Variants in CUX1 observed in about 807,000 individuals in gnomAD.
CUX1 encodes the protein cut like homeobox 1, also known as protein CASP.
In CUX1, 31 loss-of-function variants were observed where a neutral mutation model predicts 158.8. That is an observed-to-expected ratio of 0.20 (90% CI 0.15 to 0.26). CUX1 has a LOEUF of 0.26. Among genes scored for constraint, CUX1 ranks in the 10% least tolerant of loss-of-function variants. The probability of loss-of-function intolerance (pLI) is 1.00; values close to 1 mark genes in which losing one functional copy is unlikely to be tolerated. For missense variants in CUX1, 1,589 were observed against 2,014.6 expected, an observed-to-expected ratio of 0.79 and a Z score of 4.04; for synonymous variants, 879 against 862.1, an observed-to-expected ratio of 1.02 and a Z score of -0.34.
intron 3 of CUX1, among the ~76,000 whole-genome samples, chr7:102,069,318 C>T (rs535851997): frequency 4.9e-4 from 74 of 152,320 alleles, no homozygotes; most frequent in Middle Eastern, 6.8e-3. Context: ...ACAGCTCCTG[C>T]ATATGTATCC....
At chr7:101,862,165 A>AT (rs1330552563) in intron 1 of CUX1, among the ~76,000 whole-genome samples, 3 of 151,024 alleles carry the variant, frequency 2.0e-5, no homozygotes, top group South Asian at 4.2e-4. Flanking sequence ...TTTCCTTTGA[A>AT]TTTTTTTTTC....
chr7:101,877,649 T>A (rs1465147928), intron 1 of CUX1, among the ~76,000 whole-genome samples: 3 of 152,188 alleles, frequency 2.0e-5, no homozygotes, highest in African/African-American at 7.2e-5. Flanking sequence ...ACCGTCCCAC[T>A]GCACTCCAGC....
At chr7:102,221,177 A>G (rs1797758386) in intron 20 of CUX1, among the ~76,000 whole-genome samples, 1 of 152,250 alleles carries the variant, frequency 6.6e-6, no homozygotes, top group Non-Finnish European at 1.5e-5. Context: ...GACAGAATGA[A>G]AAGTGGCGCA....
At chr7:101,844,981 T>C (rs899737478) in intron 1 of CUX1, among the ~76,000 whole-genome samples, 1 of 152,214 alleles carries the variant, frequency 6.6e-6, no homozygotes, top group Non-Finnish European at 1.5e-5. Context: ...ACCTATCTTA[T>C]TTGGCACTTT....
intron 2 of CUX1, among the ~76,000 whole-genome samples, chr7:101,978,359 A>G (rs968929515): frequency 1.3e-5 from 2 of 152,088 alleles, no homozygotes; most frequent in Non-Finnish European, 2.9e-5. Context: ...GGGGCTGCTC[A>G]GGCTAAAACC....
intron 1 of CUX1, among the ~76,000 whole-genome samples, chr7:101,878,679 GT>G (rs1032385676): frequency 2.4e-4 from 35 of 146,128 alleles, no homozygotes; most frequent in South Asian, 2.0e-3. Context: ...ATCTTTTTTT[GT>G]TTTTTTTTTT....
At chr7:101,996,663 C>T (rs1370124974) in intron 2 of CUX1, among the ~76,000 whole-genome samples, 1 of 149,482 alleles carries the variant, frequency 6.7e-6, no homozygotes, top group Non-Finnish European at 1.5e-5. Context: ...CCCTCCCTCC[C>T]TCCATCCATC....
At chr7:102,210,766 T>A (rs1212024640) in intron 20 of CUX1, among the ~76,000 whole-genome samples, 1 of 152,210 alleles carries the variant, frequency 6.6e-6, no homozygotes, top group African/African-American at 2.4e-5. Context: ...AGACAGCTGC[T>A]ATGGTCTGTC....
intron 8 of CUX1, among the ~76,000 whole-genome samples, chr7:102,145,926 A>G (rs1311482564): frequency 1.3e-5 from 2 of 152,212 alleles, no homozygotes; most frequent in Non-Finnish European, 2.9e-5. Flanking sequence ...CAGCCTGGGC[A>G]GTAGAGCAAG....
intron 2 of CUX1, among the ~76,000 whole-genome samples, chr7:101,965,825 G>T (rs1007720126): frequency 7.0e-6 from 1 of 141,928 alleles, no homozygotes; most frequent in Admixed American, 7.2e-5. Context: ...GTCCAGCCTG[G>T]GCAACAGTGT....
intron 2 of CUX1, among the ~76,000 whole-genome samples, chr7:101,924,567 T>C (rs1407058269): frequency 1.3e-5 from 2 of 151,662 alleles, no homozygotes; most frequent in Admixed American, 6.6e-5. Flanking sequence ...TTTTCCTTTT[T>C]TTTTTTTTTC....
chr7:102,270,830 C>T (rs1024703326), intron 14 of CUX1, among the ~76,000 whole-genome samples: 1 of 152,210 alleles, frequency 6.6e-6, no homozygotes, highest in African/African-American at 2.4e-5. Context: ...GGGTTTGCAG[C>T]CAGGATGCTC....
chr7:102,227,574 C>T lies in CUX1; in HGVS notation c.3338C>T (p.Ala1113Val). 1.2e-6 allele frequency: 2 copies of T among 1,614,142 alleles called. No individual in the cohort carries two copies. The highest frequency in any genetic ancestry group is 8.5e-7 in the Non-Finnish European group (1 of 1,180,030). ...CCGCTGCCTCTCTCCGGACACTCGG[C>T]CCTCAGCATCCAAGAATTAGTAGCC... ...TTPLPLSGHS[A>V]LSIQELVAMS... is the part of the protein sequence containing the mutation. Residue 1113 changes from alanine to valine, a missense_variant, in exon 21 of 24, where the codon GCC (alanine) becomes GTC (valine). By Grantham distance (64) the Ala-to-Val change is moderately conservative. This residue lies in a region of CUX1 where 259 missense variants were observed against 373.8 expected (regional missense o/e 0.69). Coordinates refer to ENST00000292535, the MANE Select transcript of CUX1 (RefSeq NM_181552.4).
intron 3 of CUX1, among the ~76,000 whole-genome samples, chr7:102,050,187 G>T (rs1394763703): frequency 6.6e-6 from 1 of 152,160 alleles, no homozygotes; most frequent in Non-Finnish European, 1.5e-5. Context: ...ATCATCATTT[G>T]CCAGCGTGAC....
At chr7:101,965,706 G>A (rs1290462062) in intron 2 of CUX1, among the ~76,000 whole-genome samples, 1 of 151,614 alleles carries the variant, frequency 6.6e-6, no homozygotes, top group Non-Finnish European at 1.5e-5. Flanking sequence ...AAAATTAGCG[G>A]GGCGTGGTGG....
intron 1 of CUX1, among the ~76,000 whole-genome samples, chr7:101,841,651 G>A (rs1210713823): frequency 6.6e-6 from 1 of 151,922 alleles, no homozygotes; most frequent in Non-Finnish European, 1.5e-5. Context: ...TCTGCCTCCC[G>A]GGTTCAAGTG....
intron 9 of CUX1, among the ~76,000 whole-genome samples, chr7:102,167,276 AAAAAG>A (rs1450725004): frequency 2.6e-4 from 39 of 152,080 alleles, no homozygotes; most frequent in Middle Eastern, 6.8e-3. Flanking sequence ...TCAAAAAAAA[AAAAAG>A]AAAAGAAAAG....
At chr7:102,047,249 G>C (rs976764131) in intron 3 of CUX1, among the ~76,000 whole-genome samples, 8 of 152,116 alleles carry the variant, frequency 5.3e-5, no homozygotes, top group African/African-American at 1.9e-4. Context: ...TGGATGGGTG[G>C]ATGGATTGGT....
At position 101,943,593 on chromosome 7, in the gene CUX1, G is replaced by A. The variant is rs528782827; in HGVS notation, c.141+27368G>A. 3.4e-4 allele frequency among the ~76,000 whole-genome samples: 52 copies of A among 151,968 alleles called. No homozygotes were observed. In the South Asian group the frequency reaches 0.011, roughly 32 times the overall value. On this transcript the variant is annotated intron_variant, in intron 2 of 23. Coordinates refer to ENST00000292535, the MANE Select transcript of CUX1 (RefSeq NM_181552.4). ...ACATATCATATGCAGGATGCAGAGG[G>A]GCCCGGCTTACATACCGAGAGTCAG... is the stretch of plus-strand genomic sequence containing the variant.
Sources: allele counts gnomAD v4.1 joint callset (sites outside exome capture counted in the v4.1 genomes callset), GRCh38; gene constraint gnomAD v4.1.1; regional missense constraint gnomAD v4.1.1; transcripts MANE v1.5; gene names NCBI Gene and HGNC (gene_info 2026-07-23, HGNC 2026-07-21).